DOCK4: variants seen among roughly 807,000 people sequenced by gnomAD.
DOCK4 encodes dedicator of cytokinesis protein 4.
DOCK4 carries 97 observed loss-of-function variants against 268.1 expected under a neutral mutation model. The observed-to-expected ratio is 0.36, with a 90% CI of 0.31 to 0.43. The LOEUF (loss-of-function observed/expected upper bound fraction) is 0.43, where lower values mean the gene tolerates loss of function less well. Among genes scored for constraint, DOCK4 ranks in the 20% least tolerant of loss-of-function variants. The probability of loss-of-function intolerance (pLI) is 1.00; values close to 1 mark genes in which losing one functional copy is unlikely to be tolerated. For synonymous variants in DOCK4, 954 were observed against 887.2 expected (o/e 1.08, Z -1.34); for missense variants, 2,145 against 2,455.7 (o/e 0.87, Z 2.67).
intron 23 of DOCK4, among the ~76,000 whole-genome samples, chr7:111,858,888 T>C (rs908190335): frequency 1.3e-5 from 2 of 151,648 alleles, no homozygotes; most frequent in African/African-American, 4.8e-5. Context: ...TCTGGAGAAA[T>C]CTGACTAATA....
chr7:111,877,227 G>T, intron 16 of DOCK4, 41 bp from the exon 17 acceptor site: 2 of 1,316,454 alleles, frequency 1.5e-6, no homozygotes, highest in South Asian at 2.2e-5. Context: ...AAGGGGAAGA[G>T]ATCTCATAAG....
intron 10 of DOCK4, among the ~76,000 whole-genome samples, chr7:111,940,662 A>G (rs1795133789): frequency 6.6e-6 from 1 of 152,214 alleles, no homozygotes; most frequent in Admixed American, 6.5e-5. Context: ...GAGTAGTTTG[A>G]GGTTGTCTGA....
intron 13 of DOCK4, among the ~76,000 whole-genome samples, chr7:111,909,883 G>A (rs1362698487): frequency 6.6e-6 from 1 of 151,684 alleles, no homozygotes; most frequent in African/African-American, 2.4e-5. Flanking sequence ...AATCACTTGA[G>A]CCCAGAAGGC....
chr7:112,180,628 C>T lies in DOCK4; in HGVS notation c.37+25474G>A, dbSNP rs17489959. ...TTAAGGAGCTGTGTCCGTGCCATGA[C>T]GACAGCATGAGCTCCCTGCCTGTAG... On this transcript the variant is annotated intron_variant, in intron 1 of 52. Transcript: ENST00000428084. Among the ~76,000 whole-genome samples, 1,288 of 152,262 alleles carry T rather than the reference C, an allele frequency of 8.5e-3. 15 individuals carry two copies. The highest frequency in any genetic ancestry group is 0.034 in the Middle Eastern group (10 of 294).
chr7:112,061,163 G>A (rs543501085), intron 1 of DOCK4, among the ~76,000 whole-genome samples: 159 of 152,146 alleles, frequency 1.0e-3, no homozygotes, highest in African/African-American at 3.7e-3. Context: ...CCCATAAAGC[G>A]ATGAGGACCA....
Position 111,811,967 on chromosome 7 carries a change from G to C in DOCK4, c.2931-18C>G, listed in dbSNP as rs1801169396. ...TAATAACACTAGTGATAAAAAAAAT[G>C]ACAAGGTGAAAACTTCATATTAGTG... On this transcript the variant is annotated intron_variant, in intron 27 of 52. Coordinates refer to ENST00000428084, the MANE Select transcript of DOCK4 (RefSeq NM_001363540.2). The C allele has an allele frequency of 2.2e-6, 3 of 1,393,270 alleles. No individual in the cohort carries two copies. Among genetic ancestry groups the C allele is most frequent in the Non-Finnish European group, 2.9e-6 (3 of 1,021,464 alleles). The allele number at this position is 1,393,270 out of a possible 1,614,324, so 86.3% of individuals were successfully genotyped here.
chr7:112,039,262 C>T (rs1006144136), intron 1 of DOCK4, among the ~76,000 whole-genome samples: 1 of 151,646 alleles, frequency 6.6e-6, no homozygotes, highest in Non-Finnish European at 1.5e-5. Context: ...AATATGTTTA[C>T]TGATTACCTA....
chr7:112,010,633 C>A (rs1415870364), intron 1 of DOCK4, among the ~76,000 whole-genome samples: 1 of 152,206 alleles, frequency 6.6e-6, no homozygotes, highest in Non-Finnish European at 1.5e-5. Flanking sequence ...TGGTAATAGG[C>A]TGTGCCCACA....
intron 1 of DOCK4, among the ~76,000 whole-genome samples, chr7:112,172,866 T>G (rs1369743921): frequency 2.0e-5 from 3 of 152,344 alleles, no homozygotes; most frequent in Admixed American, 6.5e-5. Flanking sequence ...AACCAAAAAG[T>G]GTTAAATCTT....
intron 1 of DOCK4, among the ~76,000 whole-genome samples, chr7:112,099,540 A>C (rs781777515): frequency 1.6e-4 from 25 of 152,166 alleles, no homozygotes; most frequent in Admixed American, 9.8e-4. Flanking sequence ...TGAGGTCAGG[A>C]AGGGTAACAG....
intron 1 of DOCK4, among the ~76,000 whole-genome samples, chr7:112,182,389 A>G (rs1399748994): frequency 6.6e-6 from 1 of 152,252 alleles, no homozygotes; most frequent in African/African-American, 2.4e-5. Flanking sequence ...GCTACAGAAC[A>G]TAAATGATGT....
rs531960209 is a variant in DOCK4 at position 112,107,579 on chromosome 7, T to C, written c.37+98523A>G. Among the ~76,000 whole-genome samples, 7 of 152,338 alleles carry C rather than the reference T, an allele frequency of 4.6e-5. No individual in the cohort carries two copies. The East Asian group carries it at 1.3e-3, about 29-fold the overall frequency. On this transcript the variant is annotated intron_variant, in intron 1 of 52. Transcript: ENST00000428084. ...CCACCCAGTCTGTGGTATTTTGTTA[T>C]GGCAATTCCAGCAGACGAACACAAC...
At chr7:112,025,210 G>GAAT (rs1554417718) in intron 1 of DOCK4, among the ~76,000 whole-genome samples, 108 of 151,578 alleles carry the variant, frequency 7.1e-4, no homozygotes, top group Non-Finnish European at 1.3e-3. Flanking sequence ...ATTCAGTGAT[G>GAAT]AATAATAATA....
intron 39 of DOCK4, among the ~76,000 whole-genome samples, chr7:111,762,232 C>A (rs1279901441): frequency 6.6e-6 from 1 of 151,890 alleles, no homozygotes; most frequent in Non-Finnish European, 1.5e-5. Context: ...AATTCACATA[C>A]AATAAAATCC....
chr7:112,055,736 C>T (rs561780527), intron 1 of DOCK4, among the ~76,000 whole-genome samples: 1 of 151,854 alleles, frequency 6.6e-6, no homozygotes, highest in Non-Finnish European at 1.5e-5. Flanking sequence ...GGTGAAACCC[C>T]GTCTCTACTA....
chr7:112,165,604 C>T (rs80300781), intron 1 of DOCK4, among the ~76,000 whole-genome samples: 12,350 of 150,784 alleles, frequency 0.082, 697 homozygotes, highest in Non-Finnish European at 0.13. Flanking sequence ...TAGGGTCAAT[C>T]CATGTTTTAC....
chr7:111,990,225 G>T (rs1479055654), intron 5 of DOCK4, among the ~76,000 whole-genome samples: 1 of 152,096 alleles, frequency 6.6e-6, no homozygotes, highest in Admixed American at 6.5e-5. Context: ...TTTGGGCTTG[G>T]TCCAGAATGA....
chr7:111,887,937 C>T (rs1011788917), intron 16 of DOCK4, among the ~76,000 whole-genome samples: 1 of 151,722 alleles, frequency 6.6e-6, no homozygotes, highest in Non-Finnish European at 1.5e-5. Flanking sequence ...GAATCCTGCC[C>T]AATCCCCTGA....
chr7:111,765,573 A>C (rs1218037751), intron 38 of DOCK4, among the ~76,000 whole-genome samples: 1 of 152,192 alleles, frequency 6.6e-6, no homozygotes, highest in Non-Finnish European at 1.5e-5. Context: ...TATCAAGAAA[A>C]ATATTTTCTT....
Sources: allele counts gnomAD v4.1 joint callset (sites outside exome capture counted in the v4.1 genomes callset), GRCh38; gene constraint gnomAD v4.1.1; transcripts MANE v1.5; gene names NCBI Gene and HGNC (gene_info 2026-07-23, HGNC 2026-07-21).